ETV6: variants seen among roughly 807,000 people sequenced by gnomAD.
ETV6 encodes the protein transcription factor ETV6.
Under a neutral mutation model 51.1 loss-of-function variants are expected in ETV6, and 16 were observed. That is an observed-to-expected ratio of 0.31 (90% CI 0.21 to 0.48). The LOEUF (loss-of-function observed/expected upper bound fraction) is 0.48. ETV6 is among the 20% of genes least tolerant of loss of function. The probability of loss-of-function intolerance (pLI) is 0.99; values close to 1 mark genes in which losing one functional copy is unlikely to be tolerated. For missense variants in ETV6, 458 were observed against 594.8 expected, an observed-to-expected ratio of 0.77 and a Z score of 2.39; for synonymous variants, 240 against 224.1, an observed-to-expected ratio of 1.07 and a Z score of -0.64.
intron 1 of ETV6, among the ~76,000 whole-genome samples, chr12:11,730,754 C>G (rs1591636603): frequency 6.6e-6 from 1 of 152,200 alleles, no homozygotes; most frequent in Non-Finnish European, 1.5e-5. Context: ...AACAATCAAC[C>G]CTTTAGAGCA....
intron 1 of ETV6, among the ~76,000 whole-genome samples, chr12:11,724,828 A>G (rs1027560334): frequency 6.6e-6 from 1 of 152,168 alleles, no homozygotes; most frequent in African/African-American, 2.4e-5. Context: ...AGGTTTCCCA[A>G]ATCTATTTGG....
At chr12:11,881,843 C>G (rs187270163) in intron 5 of ETV6, among the ~76,000 whole-genome samples, 5 of 152,368 alleles carry the variant, frequency 3.3e-5, no homozygotes, top group Non-Finnish European at 7.3e-5. Context: ...CATCCTCCTT[C>G]AAATGCCTGT....
chr12:11,810,259 G>A (rs1945894059), intron 2 of ETV6, among the ~76,000 whole-genome samples: 1 of 152,160 alleles, frequency 6.6e-6, no homozygotes, highest in South Asian at 2.1e-4. Context: ...ATGTTCATGG[G>A]CTTTCTAGAT....
At chr12:11,826,297 A>G (rs1040478624) in intron 2 of ETV6, 1 of 152,144 alleles carries the variant, frequency 6.6e-6, no homozygotes, top group Non-Finnish European at 1.5e-5. Context: ...CATGCTCTTC[A>G]CAGATTTTCC....
At chr12:11,726,951 G>C (rs967650791) in intron 1 of ETV6, among the ~76,000 whole-genome samples, 4 of 152,202 alleles carry the variant, frequency 2.6e-5, no homozygotes, top group Non-Finnish European at 5.9e-5. Context: ...CAGTTTACAG[G>C]TGAGGAAACC....
intron 4 of ETV6, among the ~76,000 whole-genome samples, chr12:11,862,255 G>C (rs1218260349): frequency 6.6e-6 from 1 of 152,102 alleles, no homozygotes; most frequent in Admixed American, 6.6e-5. Flanking sequence ...TTCTTCTCAG[G>C]CCCTCCAAGG....
At chr12:11,740,094 T>G (rs1446506410) in intron 1 of ETV6, among the ~76,000 whole-genome samples, 1 of 152,222 alleles carries the variant, frequency 6.6e-6, no homozygotes, top group Non-Finnish European at 1.5e-5. Context: ...AAACCACTGA[T>G]TCTCATGGGA....
Position 11,867,758 on chromosome 12 carries a change from A to G in ETV6, c.464-1666A>G, listed in dbSNP as rs78379460. Among the ~76,000 whole-genome samples the G allele has an allele frequency of 8.8e-3, 1,347 of 152,358 alleles. 13 individuals carry two copies. The highest frequency in any genetic ancestry group is 0.03 in the African/African-American group (1,234 of 41,574). ...ACTTGCTTTACTTAGAACTGTGGAC[A>G]ATTCTTTGACCAGAACAAGGACAGC... On this transcript the variant is annotated intron_variant, in intron 4 of 7. Transcript: ENST00000396373.
chr12:11,817,451 T>C (rs1946009901), intron 2 of ETV6, among the ~76,000 whole-genome samples: 1 of 151,850 alleles, frequency 6.6e-6, no homozygotes, highest in African/African-American at 2.4e-5. Context: ...ACAGGGAAAA[T>C]TTAGGAAGAA....
Position 11,723,145 on chromosome 12 carries a change from T to A in ETV6, c.34-29305T>A, listed in dbSNP as rs1454391475. Among the ~76,000 whole-genome samples the A allele has an allele frequency of 3.3e-5, 5 of 152,194 alleles. No homozygotes were observed. In the East Asian group the frequency reaches 9.6e-4, roughly 29 times the overall value. On this transcript the variant is annotated intron_variant, in intron 1 of 7. Transcript: ENST00000396373. Reference sequence around the variant, plus strand: ...TACCCTCGTTTTCTCATTTGTAAAATGGGAATCCTAATATCTCATAGGATT... The same window carrying A: ...TACCCTCGTTTTCTCATTTGTAAAAAGGGAATCCTAATATCTCATAGGATT...
At position 11,650,137 on chromosome 12, in the gene ETV6, A is replaced by T. The variant is rs758276152; in HGVS notation, c.10A>T (p.Thr4Ser). 6.2e-7 allele frequency: 1 copy of T among 1,613,360 alleles called. No homozygotes were observed. Among genetic ancestry groups the T allele is most frequent in the Non-Finnish European group, 8.5e-7 (1 of 1,179,668 alleles). Residue 4 changes from threonine (T) to serine (S), a missense_variant, in exon 1 of 8, where the codon ACT (threonine) becomes TCT (serine). By Grantham distance (58) the Thr-to-Ser change is moderately conservative. Coordinates refer to ENST00000396373, the MANE Select transcript of ETV6 (RefSeq NM_001987.5). ...TCTCTCGCTGTGAGACATGTCTGAG[A>T]CTCCTGCTCAGTGTAGCATTAAGGT... MSE[T>S]PAQCSIKQER...
chr12:11,851,795 T>A (rs1946560013), intron 3 of ETV6, among the ~76,000 whole-genome samples: 1 of 152,138 alleles, frequency 6.6e-6, no homozygotes, highest in South Asian at 2.1e-4. Context: ...AACACAAGGT[T>A]CCCTCAGGAA....
intron 1 of ETV6, among the ~76,000 whole-genome samples, chr12:11,742,269 G>T (rs1185247801): frequency 6.6e-6 from 1 of 152,168 alleles, no homozygotes; most frequent in Non-Finnish European, 1.5e-5. Context: ...GGTGGCATTT[G>T]CAGGGTAGTA....
At chr12:11,663,757 TTGTGTGTGTGTGTGTA>T (rs1240135156) in intron 1 of ETV6, among the ~76,000 whole-genome samples, 2 of 151,404 alleles carry the variant, frequency 1.3e-5, no homozygotes, top group Non-Finnish European at 2.9e-5. Flanking sequence ...TGTTGGTAGG[TTGTGTGTGTGTGTGTA>T]TGTGTGTGTG....
intron 1 of ETV6, among the ~76,000 whole-genome samples, chr12:11,672,171 A>G (rs542003217): frequency 1.3e-5 from 2 of 152,226 alleles, no homozygotes; most frequent in South Asian, 4.1e-4. Flanking sequence ...CTTCTGTCGC[A>G]AAATATAATC....
chr12:11,873,737 T>G (rs1946920132), intron 5 of ETV6, among the ~76,000 whole-genome samples: 1 of 112,308 alleles, frequency 8.9e-6, no homozygotes, highest in South Asian at 2.8e-4. Context: ...CTTGATGGGG[T>G]GGGGACAGCC....
chr12:11,737,260 G>T (rs1276635207), intron 1 of ETV6, among the ~76,000 whole-genome samples: 1 of 152,198 alleles, frequency 6.6e-6, no homozygotes, highest in Admixed American at 6.5e-5. Context: ...CAACAGTCAG[G>T]ACAGGGAGTC....
chr12:11,875,579 G>C (rs950239658), intron 5 of ETV6, among the ~76,000 whole-genome samples: 1 of 152,238 alleles, frequency 6.6e-6, no homozygotes, highest in Admixed American at 6.5e-5. Context: ...TCATCCGTGA[G>C]TCATGTTTTC....
At chr12:11,808,092 C>T (rs1945855999) in intron 2 of ETV6, among the ~76,000 whole-genome samples, 1 of 152,130 alleles carries the variant, frequency 6.6e-6, no homozygotes, top group African/African-American at 2.4e-5. Flanking sequence ...TCCTAGAATT[C>T]TCAATGTAAG....
Sources: allele counts gnomAD v4.1 joint callset (sites outside exome capture counted in the v4.1 genomes callset), GRCh38; gene constraint gnomAD v4.1.1; transcripts MANE v1.5; gene names NCBI Gene and HGNC (gene_info 2026-07-23, HGNC 2026-07-21).